The following SFMBT2 variants were observed in gnomAD, a reference collection of about 807,000 sequenced individuals.
The protein encoded by SFMBT2 is Scm like with four mbt domains 2.
SFMBT2 carries 38 observed loss-of-function variants against 110.1 expected under a neutral mutation model. The ratio of observed to expected loss-of-function variants is 0.35; its 90% CI spans 0.27 to 0.45. SFMBT2 has a LOEUF of 0.45. Ranked by LOEUF, SFMBT2 falls within the 20% of genes least tolerant of loss-of-function variation. The pLI is 1.00. For synonymous variants in SFMBT2, 425 were observed against 425.4 expected (o/e 1.00, Z 0.01); for missense variants, 1,011 against 1,094.9 (o/e 0.92, Z 1.08).
rs570356474 is a variant in SFMBT2 at position 7,226,667 on chromosome 10, T to C, written c.1203+1188A>G. 3.9e-5 allele frequency among the ~76,000 whole-genome samples: 6 copies of C among 152,374 alleles called. No homozygotes were observed. The South Asian group carries it at 6.2e-4, about 16-fold the overall frequency. On this transcript the variant is annotated intron_variant, in intron 10 of 20. Transcript: ENST00000397167. Reference sequence around the variant, plus strand: ...AGCCTAATTCTTAAAACAGAGATAATTGATATCTCTACTCACAGTTCCTAG... The same window carrying C: ...AGCCTAATTCTTAAAACAGAGATAACTGATATCTCTACTCACAGTTCCTAG...
At chr10:7,386,795 G>A (rs1009590744) in intron 1 of SFMBT2, among the ~76,000 whole-genome samples, 1 of 152,172 alleles carries the variant, frequency 6.6e-6, no homozygotes, top group Non-Finnish European at 1.5e-5. Context: ...AACACTTACA[G>A]TGATTACTAA....
chr10:7,311,045 CAA>C (rs201310544), intron 4 of SFMBT2, among the ~76,000 whole-genome samples: 48,855 of 96,364 alleles, frequency 0.51, 9,476 homozygotes, highest in East Asian at 0.63. Context: ...AACTCCATCT[CAA>C]AAAAAAAAAA....
At chr10:7,356,362 C>G (rs1490612252) in intron 4 of SFMBT2, among the ~76,000 whole-genome samples, 1 of 152,108 alleles carries the variant, frequency 6.6e-6, no homozygotes, top group Non-Finnish European at 1.5e-5. Context: ...GAGTTCAAGG[C>G]AACCCATGAT....
At chr10:7,285,726 A>T in intron 5 of SFMBT2, 140 bp downstream of exon 5, 1 of 669,292 alleles carries the variant, frequency 1.5e-6, no homozygotes, top group Non-Finnish European at 2.8e-6. Flanking sequence ...AGGACAAAAG[A>T]GGAAGGGAGG....
At chr10:7,266,341 C>T (rs931283659) in intron 7 of SFMBT2, among the ~76,000 whole-genome samples, 14 of 151,946 alleles carry the variant, frequency 9.2e-5, no homozygotes, top group African/African-American at 3.1e-4. Context: ...CCACCCACCT[C>T]GGCCTCCCAA....
At chr10:7,343,801 C>G (rs1844008509) in intron 4 of SFMBT2, among the ~76,000 whole-genome samples, 1 of 152,140 alleles carries the variant, frequency 6.6e-6, no homozygotes, top group African/African-American at 2.4e-5. Flanking sequence ...TAGAAGCAAA[C>G]CGTTAAGACC....
intron 15 of SFMBT2, among the ~76,000 whole-genome samples, chr10:7,196,569 A>C (rs1588791650): frequency 6.6e-6 from 1 of 152,240 alleles, no homozygotes; most frequent in Non-Finnish European, 1.5e-5. Flanking sequence ...TAACAAGAGC[A>C]GGAAACCCCA....
intron 9 of SFMBT2, among the ~76,000 whole-genome samples, chr10:7,239,530 C>T (rs1840368907): frequency 6.6e-6 from 1 of 152,172 alleles, no homozygotes; most frequent in Non-Finnish European, 1.5e-5. Flanking sequence ...CCACAATCAC[C>T]ACCACCACCT....
At chr10:7,404,421 A>G (rs1054256749) in intron 1 of SFMBT2, among the ~76,000 whole-genome samples, 1 of 152,254 alleles carries the variant, frequency 6.6e-6, no homozygotes, top group East Asian at 1.9e-4. Context: ...ATCTGTTTAT[A>G]AGACATCTTT....
intron 11 of SFMBT2, among the ~76,000 whole-genome samples, chr10:7,211,757 T>A (rs1288007237): frequency 1.3e-5 from 2 of 152,242 alleles, no homozygotes; most frequent in African/African-American, 2.4e-5. Context: ...GTAATTGTTT[T>A]CACGTTTACA....
At chr10:7,257,867 T>G (rs1460281815) in intron 7 of SFMBT2, among the ~76,000 whole-genome samples, 1 of 152,140 alleles carries the variant, frequency 6.6e-6, no homozygotes, top group African/African-American at 2.4e-5. Context: ...TACAACAAAA[T>G]TAAAATGTAC....
chr10:7,365,846 G>A (rs1844877125), intron 4 of SFMBT2, among the ~76,000 whole-genome samples: 1 of 152,172 alleles, frequency 6.6e-6, no homozygotes, highest in African/African-American at 2.4e-5. Flanking sequence ...AATGGGGAGT[G>A]ACTTTGGAGG....
Position 7,223,853 on chromosome 10 carries a change from ATG to A in SFMBT2, c.1204-3318_1204-3317del, listed in dbSNP as rs983327268. ...AGTTGATTGTAGGTGGAGCCAGAGAATGTGTATTTCTGAAAAGTGCCCAGGTG... is the reference window on the plus strand; with the variant it reads ...AGTTGATTGTAGGTGGAGCCAGAGAATGTATTTCTGAAAAGTGCCCAGGTG... On this transcript the variant is annotated intron_variant, in intron 10 of 20. Transcript: ENST00000397167. 1.2e-3 allele frequency among the ~76,000 whole-genome samples: 181 copies of A among 152,306 alleles called. 1 individual carries two copies. The highest frequency in any genetic ancestry group is 4.3e-3 in the African/African-American group (177 of 41,554).
chr10:7,351,439 G>A (rs1380125005), intron 4 of SFMBT2, among the ~76,000 whole-genome samples: 1 of 152,118 alleles, frequency 6.6e-6, no homozygotes, highest in Non-Finnish European at 1.5e-5. Flanking sequence ...TGCACAAAAC[G>A]ATCCTGTAAG....
intron 4 of SFMBT2, among the ~76,000 whole-genome samples, chr10:7,312,920 G>C (rs974252327): frequency 6.6e-6 from 1 of 152,164 alleles, no homozygotes; most frequent in African/African-American, 2.4e-5. Flanking sequence ...CTGGGATTGG[G>C]GATGCTTCCA....
intron 4 of SFMBT2, among the ~76,000 whole-genome samples, chr10:7,296,147 A>T (rs1564426622): frequency 6.6e-6 from 1 of 152,224 alleles, no homozygotes; most frequent in African/African-American, 2.4e-5. Flanking sequence ...TTTACCCAAT[A>T]AAATATGGAA....
chr10:7,231,686 G>C (rs1321532372), intron 9 of SFMBT2, among the ~76,000 whole-genome samples: 3 of 134,584 alleles, frequency 2.2e-5, no homozygotes, highest in Non-Finnish European at 3.2e-5. Context: ...TATGTTGTAA[G>C]CAACAGTTAA....
rs566320416 is a variant in SFMBT2, at chr10:7,226,181, T to C, written c.1203+1674A>G. On this transcript the variant is annotated intron_variant, in intron 10 of 20. Transcript: ENST00000397167. ...CCTAGATTTTTGACTGCTCCCCGGA[T>C]CATGCAGGTGCCAGGCAGGCTCCAA... is the stretch of plus-strand genomic sequence containing the variant. 7.2e-5 allele frequency among the ~76,000 whole-genome samples: 11 copies of C among 152,334 alleles called. No individual in the cohort carries two copies. In the South Asian group the frequency reaches 1.2e-3, roughly 17 times the overall value.
chr10:7,216,220 T>C (rs371930304), intron 11 of SFMBT2, among the ~76,000 whole-genome samples: 10 of 152,276 alleles, frequency 6.6e-5, no homozygotes, highest in African/African-American at 2.2e-4. Context: ...TGGTGACTGA[T>C]ATGGTTTGGC....
Sources: gnomAD v4.1 joint callset for allele counts (sites outside exome capture counted in the v4.1 genomes callset) on GRCh38, gnomAD v4.1.1 for gene constraint, MANE v1.5 for transcripts, NCBI Gene and HGNC (gene_info 2026-07-23, HGNC 2026-07-21) for gene names.